DPP6: variants seen among roughly 807,000 people sequenced by gnomAD.
DPP6 encodes the protein dipeptidyl peptidase like 6, also known as A-type potassium channel modulatory protein DPP6.
A neutral mutation model predicts 122.6 loss-of-function variants in DPP6; 69 were observed. The ratio of observed to expected loss-of-function variants is 0.56; its 90% CI spans 0.46 to 0.69. The LOEUF is 0.69. Among genes scored for constraint, DPP6 ranks in the 30% least tolerant of loss-of-function variants. DPP6 has a pLI of 0.00. For synonymous variants in DPP6, 418 were observed against 433.1 expected (o/e 0.97, Z 0.43); for missense variants, 928 against 1,116.9 (o/e 0.83, Z 2.41).
chr7:154,614,205 A>G (rs745957692), intron 5 of DPP6, among the ~76,000 whole-genome samples: 1 of 152,096 alleles, frequency 6.6e-6, no homozygotes, highest in Non-Finnish European at 1.5e-5. Context: ...CATCACATAA[A>G]TCAGGCTCAC....
At chr7:154,729,538 A>G (rs1239431886) in intron 8 of DPP6, among the ~76,000 whole-genome samples, 5 of 152,214 alleles carry the variant, frequency 3.3e-5, no homozygotes, top group African/African-American at 1.2e-4. Context: ...GCAAATGTAT[A>G]TACTATATAG....
In DPP6 at chr7:154,241,185, A is replaced by ATGCGTGCATG. The variant is rs34454400; in HGVS notation, c.243+188124_243+188125insCGTGCATGTG. 3.7e-4 allele frequency among the ~76,000 whole-genome samples: 51 copies of ATGCGTGCATG among 136,296 alleles called. No homozygotes were observed. The highest frequency in any genetic ancestry group is 1.4e-3 in the African/African-American group (51 of 35,786). 89.4% of individuals were successfully genotyped at this position (136,296 alleles called of 152,430 possible). On this transcript the variant is annotated intron_variant, in intron 1 of 25. Coordinates refer to ENST00000377770, the MANE Select transcript of DPP6 (RefSeq NM_130797.4). The surrounding 1 kb of genome is among the most constrained non-coding windows in gnomAD (Gnocchi z 9.0). ...GCACAGTAGGTAATTCAATATCAAT[A>ATGCGTGCATG]TGTGTGTGTGTGTGTGTGTGTGTGT...
chr7:154,319,691 G>T (rs1441379417), intron 1 of DPP6, among the ~76,000 whole-genome samples: 1 of 151,240 alleles, frequency 6.6e-6, no homozygotes, highest in Admixed American at 6.6e-5. Context: ...GTGAGACTTT[G>T]TCTCAAAAAA....
In DPP6 at chr7:154,397,222, G is replaced by GT. The variant is rs200506424; in HGVS notation, c.244-48984dup. Among the ~76,000 whole-genome samples the GT allele has an allele frequency of 3.3e-5, 5 of 150,794 alleles. No individual in the cohort carries two copies. In the East Asian group the frequency reaches 5.8e-4, roughly 18 times the overall value. On this transcript the variant is annotated intron_variant, in intron 1 of 25. Transcript: ENST00000377770. ...AGGTCAAAATGAAGGCACTTCTGAT[G>GT]TTTTTTTTCATGAGCATTAAGCAGT...
At chr7:154,063,728 T>TC (rs1398034664) in intron 1 of DPP6, among the ~76,000 whole-genome samples, 26 of 147,332 alleles carry the variant, frequency 1.8e-4, no homozygotes, top group African/African-American at 4.1e-4. Context: ...CAGCCCCTCT[T>TC]CCCCCCCGGC....
rs958785595 is a variant in DPP6 at position 154,624,076 on chromosome 7, T to C, written c.628-13745T>C. 2.0e-5 allele frequency among the ~76,000 whole-genome samples: 3 copies of C among 152,082 alleles called. No individual in the cohort carries two copies. Among genetic ancestry groups the C allele is most frequent in the African/African-American group, 7.2e-5 (3 of 41,408 alleles). On this transcript the variant is annotated intron_variant, in intron 5 of 25. Coordinates refer to ENST00000377770, the MANE Select transcript of DPP6 (RefSeq NM_130797.4). The surrounding 1 kb of genome is among the most constrained non-coding windows in gnomAD (Gnocchi z 4.7). ...CGGGTGTAGTGGCTCACGCCAGTAATCCCAGCATTTGGAGAGGCCAAGGCG... is the reference window on the plus strand; with the variant it reads ...CGGGTGTAGTGGCTCACGCCAGTAACCCCAGCATTTGGAGAGGCCAAGGCG...
chr7:154,273,447 G>A (rs1164336974), intron 1 of DPP6, among the ~76,000 whole-genome samples: 1 of 152,130 alleles, frequency 6.6e-6, no homozygotes, highest in African/African-American at 2.4e-5. Flanking sequence ...CTCACCATTA[G>A]GATCATCATT....
chr7:153,830,281 T>G, the DPP6 span, among the ~76,000 whole-genome samples: 1 of 152,340 alleles, frequency 6.6e-6, no homozygotes, highest in South Asian at 2.1e-4. Context: ...AATATGTAAC[T>G]CTTCTCTGAG....
intron 1 of DPP6, among the ~76,000 whole-genome samples, chr7:154,001,805 A>G (rs1285289347): frequency 3.9e-5 from 6 of 152,080 alleles, no homozygotes; most frequent in Non-Finnish European, 5.9e-5. Flanking sequence ...AGATGCAATG[A>G]GGGAAGGCAA....
At chr7:154,292,905 A>T (rs1805302738) in intron 1 of DPP6, among the ~76,000 whole-genome samples, 1 of 152,232 alleles carries the variant, frequency 6.6e-6, no homozygotes, top group African/African-American at 2.4e-5. Context: ...CTCTCTTTTA[A>T]CACTGATTTA....
intron 16 of DPP6, among the ~76,000 whole-genome samples, chr7:154,817,453 A>G (rs1472763798): frequency 6.6e-6 from 1 of 152,222 alleles, no homozygotes; most frequent in African/African-American, 2.4e-5. Flanking sequence ...TGTCATGAAC[A>G]TCATGAGTGA....
intron 7 of DPP6, among the ~76,000 whole-genome samples, chr7:154,724,677 G>T (rs1198515375): frequency 6.6e-6 from 1 of 151,896 alleles, no homozygotes; most frequent in Non-Finnish European, 1.5e-5. Flanking sequence ...ATCCCATCTT[G>T]CCCCTCCTGT....
At chr7:154,811,292 G>A (rs1033514130) in intron 16 of DPP6, among the ~76,000 whole-genome samples, 1 of 152,248 alleles carries the variant, frequency 6.6e-6, no homozygotes, top group African/African-American at 2.4e-5. Context: ...CCTGGAAGCA[G>A]TTACCAGTGA....
At chr7:153,849,429 C>G in the DPP6 span, among the ~76,000 whole-genome samples, 1 of 152,090 alleles carries the variant, frequency 6.6e-6, no homozygotes, top group Non-Finnish European at 1.5e-5. Context: ...GCCAGCCCCC[C>G]TTATTGCTTG....
At chr7:154,301,576 GCACCGATAATGCC>G (rs1805901996) in intron 1 of DPP6, among the ~76,000 whole-genome samples, 1 of 152,056 alleles carries the variant, frequency 6.6e-6, no homozygotes, top group African/African-American at 2.4e-5. Flanking sequence ...CTAGATGATG[GCACCGATAATGCC>G]CAGGCAGATT....
chr7:154,049,737 CCAT>C (rs1399413766), upstream of DPP6, among the ~76,000 whole-genome samples: 1 of 145,926 alleles, frequency 6.9e-6, no homozygotes, highest in African/African-American at 2.5e-5. Flanking sequence ...ACAGGCGCCA[CCAT>C]CACACCTGGC....
chr7:153,885,153 C>T (rs898203237), upstream of DPP6, among the ~76,000 whole-genome samples: 5 of 151,410 alleles, frequency 3.3e-5, no homozygotes, highest in African/African-American at 9.7e-5. Flanking sequence ...GAACGAATGC[C>T]GCTTCAAAGG....
At chr7:154,805,055 G>A in intron 15 of DPP6, 91 bp downstream of exon 15, 1 of 1,503,508 alleles carries the variant, frequency 6.7e-7, no homozygotes, top group East Asian at 2.5e-5. Flanking sequence ...GTTCGGAAAG[G>A]GCGGCAGCAA....
intron 7 of DPP6, among the ~76,000 whole-genome samples, chr7:154,695,056 A>T (rs532548777): frequency 1.3e-5 from 2 of 152,360 alleles, no homozygotes; most frequent in East Asian, 3.9e-4. Flanking sequence ...TCATTAAAAT[A>T]GACCCCGTGG....
Sources: allele counts gnomAD v4.1 joint callset (sites outside exome capture counted in the v4.1 genomes callset), GRCh38; gene constraint gnomAD v4.1.1; non-coding constraint Gnocchi (gnomAD v3.1); transcripts MANE v1.5; gene names NCBI Gene and HGNC (gene_info 2026-07-23, HGNC 2026-07-21).